The following SGCZ variants were observed in gnomAD, a reference collection of about 807,000 sequenced individuals.
The protein encoded by SGCZ is sarcoglycan zeta, also known as zeta-sarcoglycan.
Under a neutral mutation model 41.3 loss-of-function variants are expected in SGCZ, and 40 were observed. The ratio of observed to expected loss-of-function variants is 0.97; its 90% CI spans 0.75 to 1.26. The LOEUF is 1.26. Ranked by LOEUF, SGCZ falls within the 50% of genes most tolerant of loss-of-function variation. SGCZ has a pLI of 0.00. For synonymous variants in SGCZ, 206 were observed against 137.5 expected, an observed-to-expected ratio of 1.50 and a Z score of -3.49; for missense variants, 552 against 369.8, an observed-to-expected ratio of 1.49 and a Z score of -4.04.
At chr8:15,235,883 C>T (rs1352187529) in intron 1 of SGCZ, among the ~76,000 whole-genome samples, 4 of 152,302 alleles carry the variant, frequency 2.6e-5, no homozygotes, top group Admixed American at 6.5e-5. Flanking sequence ...CATTCTTCTT[C>T]GCATCTCAGA....
chr8:14,572,976 C>T (rs1804599110), intron 1 of SGCZ, among the ~76,000 whole-genome samples: 1 of 152,122 alleles, frequency 6.6e-6, no homozygotes, highest in Middle Eastern at 3.2e-3. Flanking sequence ...ACATATAATA[C>T]ACTGTCTCTA....
intron 4 of SGCZ, among the ~76,000 whole-genome samples, chr8:14,210,890 A>G (rs1805783026): frequency 6.6e-6 from 1 of 152,224 alleles, no homozygotes; most frequent in Non-Finnish European, 1.5e-5. Flanking sequence ...TGCAATAATC[A>G]TAACGGCTTT....
chr8:14,285,951 T>C lies in SGCZ; in HGVS notation c.336+38152A>G, dbSNP rs954948786. On this transcript the variant is annotated intron_variant, in intron 3 of 7. Transcript: ENST00000382080. ...ACATTCGCTGTAGGAAACACATATG[T>C]TTTTGGTTTTGTATAATAATGTATG... Among the ~76,000 whole-genome samples, 5 of 152,206 alleles carry C rather than the reference T, an allele frequency of 3.3e-5. No homozygotes were observed. In the South Asian group the frequency reaches 1.0e-3, roughly 32 times the overall value.
intron 2 of SGCZ, among the ~76,000 whole-genome samples, chr8:14,378,250 T>C (rs1804213918): frequency 1.3e-5 from 2 of 151,910 alleles, no homozygotes; most frequent in Middle Eastern, 3.4e-3. Context: ...TATCTCATTG[T>C]GGTTTTGATT....
At chr8:14,888,611 C>G (rs61647629) in intron 1 of SGCZ, among the ~76,000 whole-genome samples, 11 of 152,002 alleles carry the variant, frequency 7.2e-5, no homozygotes, top group Non-Finnish European at 1.6e-4. Flanking sequence ...AAATCATTAA[C>G]GTAAGATCCA....
At chr8:14,991,170 T>C (rs1380322623) in intron 1 of SGCZ, among the ~76,000 whole-genome samples, 1 of 152,210 alleles carries the variant, frequency 6.6e-6, no homozygotes, top group Non-Finnish European at 1.5e-5. Flanking sequence ...TTAAATCTTG[T>C]ATGTGTATGA....
At chr8:14,618,990 T>G (rs1431623507) in intron 1 of SGCZ, among the ~76,000 whole-genome samples, 1 of 152,144 alleles carries the variant, frequency 6.6e-6, no homozygotes, top group Non-Finnish European at 1.5e-5. Flanking sequence ...CTCTTTTAGA[T>G]GTCCAAGTGA....
chr8:14,575,352 G>A (rs560549410), intron 1 of SGCZ, among the ~76,000 whole-genome samples: 1 of 152,174 alleles, frequency 6.6e-6, no homozygotes, highest in Non-Finnish European at 1.5e-5. Context: ...GGTGAAACCA[G>A]AATCCTTAAA....
At chr8:14,367,622 A>T (rs569588365) in intron 2 of SGCZ, among the ~76,000 whole-genome samples, 1 of 152,112 alleles carries the variant, frequency 6.6e-6, no homozygotes, top group Non-Finnish European at 1.5e-5. Flanking sequence ...TACATCTTCC[A>T]TGATGGTAGG....
intron 1 of SGCZ, among the ~76,000 whole-genome samples, chr8:14,719,754 G>A (rs1248528656): frequency 6.6e-6 from 1 of 151,522 alleles, no homozygotes; most frequent in African/African-American, 2.4e-5. Flanking sequence ...CTAGATATTA[G>A]CCCTTTGTCA....
rs533069330 is a variant in SGCZ, at chr8:15,208,027, A to G, written c.39+29558T>C. ...AAAATCTTAGAAACACTGAATGTAAATTTCCTACTCTCTGATAGTTTTATG... is the reference window on the plus strand; with the variant it reads ...AAAATCTTAGAAACACTGAATGTAAGTTTCCTACTCTCTGATAGTTTTATG... On this transcript the variant is annotated intron_variant, in intron 1 of 7. Coordinates refer to ENST00000382080, the MANE Select transcript of SGCZ (RefSeq NM_139167.4). 2.0e-5 allele frequency among the ~76,000 whole-genome samples: 3 copies of G among 152,168 alleles called. No homozygotes were observed. The South Asian group carries it at 6.2e-4, about 31-fold the overall frequency.
intron 2 of SGCZ, among the ~76,000 whole-genome samples, chr8:14,444,376 G>T (rs139631944): frequency 0.22 from 32,984 of 151,848 alleles, 4,348 homozygotes; most frequent in Non-Finnish European, 0.3. Context: ...TGTTTATTGC[G>T]GCACTATTCA....
At chr8:14,443,233 G>A (rs534762112) in intron 2 of SGCZ, among the ~76,000 whole-genome samples, 147 of 152,192 alleles carry the variant, frequency 9.7e-4, no homozygotes, top group African/African-American at 3.3e-3. Context: ...TGGCCATACT[G>A]CCCAAGGTAA....
intron 1 of SGCZ, among the ~76,000 whole-genome samples, chr8:14,999,300 T>C (rs980739255): frequency 6.6e-6 from 1 of 152,190 alleles, no homozygotes; most frequent in African/African-American, 2.4e-5. Flanking sequence ...TATTACACAT[T>C]AATACTTGCT....
intron 2 of SGCZ, among the ~76,000 whole-genome samples, chr8:14,370,494 G>A (rs546240133): frequency 2.6e-5 from 4 of 151,972 alleles, no homozygotes; most frequent in Non-Finnish European, 5.9e-5. Flanking sequence ...TATGAAAAGT[G>A]TGTTGTAATC....
intron 2 of SGCZ, among the ~76,000 whole-genome samples, chr8:14,389,402 A>G (rs975318369): frequency 1.3e-5 from 2 of 151,732 alleles, no homozygotes; most frequent in African/African-American, 4.8e-5. Context: ...TAATATAAGC[A>G]TACTGAAAGT....
At chr8:14,729,252 A>G (rs1297576706) in intron 1 of SGCZ, among the ~76,000 whole-genome samples, 1 of 152,074 alleles carries the variant, frequency 6.6e-6, no homozygotes, top group Non-Finnish European at 1.5e-5. Context: ...ACAACGCTTA[A>G]TGACTGCCCA....
rs568097768 is a variant in SGCZ, at chr8:14,348,499, G to T, written c.235-24295C>A. On this transcript the variant is annotated intron_variant, in intron 2 of 7. Coordinates refer to ENST00000382080, the MANE Select transcript of SGCZ (RefSeq NM_139167.4). The stretch of plus-strand genomic sequence containing the variant: ...ATATTTGAGTCATATATATTCGTTC[G>T]TCTCTAATCCCATAGATTGAAATGG... Among the ~76,000 whole-genome samples, 11 of 152,070 alleles carry T rather than the reference G, an allele frequency of 7.2e-5. No individual in the cohort carries two copies. In the South Asian group the frequency reaches 1.7e-3, roughly 23 times the overall value.
intron 1 of SGCZ, among the ~76,000 whole-genome samples, chr8:14,977,077 T>C (rs151165092): frequency 3.3e-5 from 5 of 152,370 alleles, no homozygotes; most frequent in African/African-American, 1.2e-4. Flanking sequence ...CTTCTCTCTG[T>C]TGTTCTGGTA....
Sources: allele counts gnomAD v4.1 joint callset (sites outside exome capture counted in the v4.1 genomes callset), GRCh38; gene constraint gnomAD v4.1.1; transcripts MANE v1.5; gene names NCBI Gene and HGNC (gene_info 2026-07-23, HGNC 2026-07-21).